The following SEL1L3 variants were observed in gnomAD, a reference collection of about 807,000 sequenced individuals.
The protein encoded by SEL1L3 is protein sel-1 homolog 3.
SEL1L3 carries 76 observed loss-of-function variants against 142.8 expected under a neutral mutation model. That is an observed-to-expected ratio of 0.53 (90% CI 0.44 to 0.64). The LOEUF is 0.64. Ranked by LOEUF, SEL1L3 falls within the 30% of genes least tolerant of loss-of-function variation. SEL1L3 has a pLI of 0.00. For synonymous variants in SEL1L3, 504 were observed against 519.6 expected (o/e 0.97, Z 0.41); for missense variants, 1,262 against 1,381.7 (o/e 0.91, Z 1.37).
the SEL1L3 span, among the ~76,000 whole-genome samples, chr4:25,739,575 C>T: frequency 2.0e-5 from 3 of 151,944 alleles, no homozygotes; most frequent in Non-Finnish European, 4.4e-5. Flanking sequence ...CATGGTGGCA[C>T]GCGCCTGTAG....
intron 2 of SEL1L3, among the ~76,000 whole-genome samples, chr4:25,841,943 G>A (rs1474206950): frequency 2.6e-5 from 4 of 152,150 alleles, no homozygotes; most frequent in Admixed American, 1.3e-4. Context: ...CTGGGTGACA[G>A]AGCAAGACCC....
At chr4:25,848,556 G>A (rs192049546) in intron 1 of SEL1L3, among the ~76,000 whole-genome samples, 205 of 152,328 alleles carry the variant, frequency 1.3e-3, no homozygotes, top group African/African-American at 4.7e-3. Context: ...TCAATGCAAG[G>A]TTTTGAGCAT....
rs185733934 is a variant in SEL1L3, at chr4:25,750,715, C to T, written c.3260-2151G>A. ...ATAAGGCTACTGCTTTCTTCATAAGCACTACTTTGTGACATTTTACTATAA... is the reference window on the plus strand; with the variant it reads ...ATAAGGCTACTGCTTTCTTCATAAGTACTACTTTGTGACATTTTACTATAA... On this transcript the variant is annotated intron_variant, in intron 23 of 23. Coordinates refer to ENST00000399878, the MANE Select transcript of SEL1L3 (RefSeq NM_015187.5). 4.0e-4 allele frequency among the ~76,000 whole-genome samples: 61 copies of T among 152,260 alleles called. 1 individual carries two copies. The highest frequency in any genetic ancestry group is 2.2e-3 in the Admixed American group (33 of 15,290).
At chr4:25,862,382 G>A (rs1276502266) in intron 1 of SEL1L3, among the ~76,000 whole-genome samples, 1 of 152,052 alleles carries the variant, frequency 6.6e-6, no homozygotes, top group Non-Finnish European at 1.5e-5. Flanking sequence ...CCCGGGTGGA[G>A]TCGAGGACAA....
chr4:25,733,698 T>C, the SEL1L3 span, among the ~76,000 whole-genome samples: 165 of 152,174 alleles, frequency 1.1e-3, no homozygotes, highest in African/African-American at 3.9e-3. Flanking sequence ...TTTTTGTATT[T>C]TTAGTAGAGA....
Position 25,854,667 on chromosome 4 carries a change from G to A in SEL1L3, c.163-6803C>T, listed in dbSNP as rs569683534. On this transcript the variant is annotated intron_variant, in intron 1 of 23. Coordinates refer to ENST00000399878, the MANE Select transcript of SEL1L3 (RefSeq NM_015187.5). Reference sequence around the variant, plus strand: ...TTAGGAGTTCTCATATAGGAGAAACGGGGTGAATAGCTCAACTGGGCATCA... The same window carrying A: ...TTAGGAGTTCTCATATAGGAGAAACAGGGTGAATAGCTCAACTGGGCATCA... Among the ~76,000 whole-genome samples the A allele has an allele frequency of 3.9e-5, 6 of 152,316 alleles. No homozygotes were observed. In the East Asian group the frequency reaches 7.7e-4, roughly 20 times the overall value.
At chr4:25,859,913 C>T (rs1425437557) in intron 1 of SEL1L3, among the ~76,000 whole-genome samples, 2 of 152,186 alleles carry the variant, frequency 1.3e-5, no homozygotes, top group African/African-American at 2.4e-5. Flanking sequence ...ACATCCTGGC[C>T]AATTGCACAG....
intron 20 of SEL1L3, among the ~76,000 whole-genome samples, chr4:25,764,627 A>G (rs570898895): frequency 1.3e-5 from 2 of 152,164 alleles, no homozygotes; most frequent in Admixed American, 6.5e-5. Context: ...TAATTTCTTG[A>G]GTTTCTACCT....
At chr4:25,726,641 A>T in the SEL1L3 span, among the ~76,000 whole-genome samples, 1 of 152,088 alleles carries the variant, frequency 6.6e-6, no homozygotes, top group African/African-American at 2.4e-5. Context: ...GAGTTACACG[A>T]TGCCGGGAAC....
chr4:25,834,139 C>T (rs945947590), intron 3 of SEL1L3, among the ~76,000 whole-genome samples: 1 of 152,130 alleles, frequency 6.6e-6, no homozygotes, highest in Admixed American at 6.6e-5. Flanking sequence ...CTGACCAATA[C>T]GGAACAATTA....
At chr4:25,739,964 A>T in the SEL1L3 span, among the ~76,000 whole-genome samples, 136 of 151,396 alleles carry the variant, frequency 9.0e-4, no homozygotes, top group East Asian at 4.5e-3. Context: ...TTAATTAATT[A>T]ATTAATTTAT....
chr4:25,802,911 T>C (rs981817669), intron 10 of SEL1L3, among the ~76,000 whole-genome samples: 1 of 152,176 alleles, frequency 6.6e-6, no homozygotes, highest in African/African-American at 2.4e-5. Flanking sequence ...CAATCTAGCT[T>C]TCTATTGGTT....
At chr4:25,783,484 C>G (rs576792115) in intron 14 of SEL1L3, among the ~76,000 whole-genome samples, 2 of 152,374 alleles carry the variant, frequency 1.3e-5, no homozygotes, top group African/African-American at 4.8e-5. Flanking sequence ...GCACATCCAG[C>G]TGCCAAAAGG....
chr4:25,836,948 T>C (rs1318753470), intron 2 of SEL1L3, among the ~76,000 whole-genome samples: 1 of 152,178 alleles, frequency 6.6e-6, no homozygotes, highest in Non-Finnish European at 1.5e-5. Context: ...CCCTTGTGTA[T>C]TTTAATAAGA....
the SEL1L3 span, among the ~76,000 whole-genome samples, chr4:25,731,461 C>T: frequency 6.6e-6 from 1 of 152,180 alleles, no homozygotes; most frequent in Non-Finnish European, 1.5e-5. Flanking sequence ...GTATCCATCA[C>T]ACCCAGAAGT....
chr4:25,739,776 G>A, the SEL1L3 span, among the ~76,000 whole-genome samples: 1 of 151,658 alleles, frequency 6.6e-6, no homozygotes, highest in Non-Finnish European at 1.5e-5. Context: ...GTGTGTGTGT[G>A]TGTGTGTGTG....
Position 25,748,451 on chromosome 4 carries a change from T to C in SEL1L3, c.3373A>G (p.Thr1125Ala). The C allele has an allele frequency of 1.2e-6, 2 of 1,611,506 alleles. No homozygotes were observed. Among genetic ancestry groups the C allele is most frequent in the Non-Finnish European group, 1.7e-6 (2 of 1,178,980 alleles). ...CACCCACGTGGCTCCGGGTTATTAG[T>C]TACTGTGGGCTGGTCTTGGTCAGAG... is the stretch of plus-strand genomic sequence containing the variant. Reference protein sequence around the residue: ...DASDQDQPTVTNNPEPRG With the variant: ...DASDQDQPTVANNPEPRG Residue 1125 changes from threonine (T) to alanine (A), a missense_variant, in exon 24 of 24, where the codon ACT becomes GCT. Thr to Ala is a moderately conservative substitution (Grantham distance 58). Coordinates refer to ENST00000399878, the MANE Select transcript of SEL1L3 (RefSeq NM_015187.5).
the SEL1L3 span, among the ~76,000 whole-genome samples, chr4:25,742,315 A>G: frequency 6.6e-6 from 1 of 151,624 alleles, no homozygotes; most frequent in East Asian, 1.9e-4. Flanking sequence ...CCTCCCGAGT[A>G]TCTAGGACCA....
In SEL1L3 at chr4:25,802,313, G is replaced by A. The variant is rs1302564351; in HGVS notation, c.1926C>T (p.Pro642=). The A allele has an allele frequency of 6.2e-7, 1 of 1,613,626 alleles. No individual in the cohort carries two copies. Among genetic ancestry groups the A allele is most frequent in the Non-Finnish European group, 8.5e-7 (1 of 1,179,828 alleles). ...AYYSNIATKT[P]LDQHTLQGDQ... ...CTCCTTGCAGTGTGTGCTGGTCAAG[G>A]GGTGTCTTGGTGGCAATGTTGCTGT... The change falls in exon 11 of 24, where the codon CCC becomes CCT. Residue 642 remains proline, a synonymous_variant. Transcript: ENST00000399878.
Sources: gnomAD v4.1 joint callset for allele counts (sites outside exome capture counted in the v4.1 genomes callset) on GRCh38, gnomAD v4.1.1 for gene constraint, MANE v1.5 for transcripts, NCBI Gene and HGNC (gene_info 2026-07-23, HGNC 2026-07-21) for gene names.